ZFAT: variants seen among roughly 807,000 people sequenced by gnomAD.
ZFAT encodes zinc finger and AT-hook domain containing.
In ZFAT, 64 loss-of-function variants were observed where a neutral mutation model predicts 117.7. The ratio of observed to expected loss-of-function variants is 0.54; its 90% CI spans 0.44 to 0.67. ZFAT has a LOEUF of 0.67. Ranked by LOEUF, ZFAT falls within the 30% of genes least tolerant of loss-of-function variation. ZFAT has a pLI of 0.00. For synonymous variants in ZFAT, 679 were observed against 615.0 expected, an observed-to-expected ratio of 1.10 and a Z score of -1.54; for missense variants, 1,433 against 1,584.5, an observed-to-expected ratio of 0.90 and a Z score of 1.62.
At position 134,712,739 on chromosome 8, in the gene ZFAT, G is replaced by A. The variant is rs895176451; in HGVS notation, c.19+106C>T. 19 of 1,135,864 alleles carry A rather than the reference G, an allele frequency of 1.7e-5. No individual in the cohort carries two copies. The Middle Eastern group carries it at 9.4e-4, about 56-fold the overall frequency. The allele number at this position is 1,135,864 out of a possible 1,614,324, so 70.4% of individuals were successfully genotyped here. A position where few individuals can be genotyped will look rare whatever the true frequency, so the allele number is the denominator to read the frequency against. ...CCTCCGCGGCCGGCGGCCGGCGGCC[G>A]GCGGCCGGCGCACTGCTTCCCGACT... is the stretch of plus-strand genomic sequence containing the variant. On this transcript the variant is annotated intron_variant, in intron 1 of 15. Transcript: ENST00000377838.
the ZFAT span, among the ~76,000 whole-genome samples, chr8:134,734,798 A>G: frequency 6.6e-6 from 1 of 152,226 alleles, no homozygotes; most frequent in African/African-American, 2.4e-5. Context: ...CTGCTCCGAC[A>G]GAGACTTTTC....
chr8:134,530,800 C>A (rs1422353546), intron 12 of ZFAT, among the ~76,000 whole-genome samples: 1 of 140,244 alleles, frequency 7.1e-6, no homozygotes, highest in Non-Finnish European at 1.6e-5. Flanking sequence ...CAAATTAAAA[C>A]CAAAGTATAA....
the ZFAT span, among the ~76,000 whole-genome samples, chr8:134,810,915 G>A: frequency 6.6e-6 from 1 of 151,944 alleles, no homozygotes; most frequent in African/African-American, 2.4e-5. Flanking sequence ...AGTTATATTT[G>A]ACATGGTATT....
chr8:134,644,653 C>T (rs1431430877), intron 2 of ZFAT, among the ~76,000 whole-genome samples: 1 of 151,950 alleles, frequency 6.6e-6, no homozygotes, highest in African/African-American at 2.4e-5. Context: ...CACACACAAA[C>T]GTGCACTTAC....
the ZFAT span, among the ~76,000 whole-genome samples, chr8:134,801,431 T>C: frequency 1.3e-5 from 2 of 152,182 alleles, no homozygotes; most frequent in Non-Finnish European, 2.9e-5. Flanking sequence ...TAAAACTACA[T>C]ATAATAACCA....
intron 11 of ZFAT, among the ~76,000 whole-genome samples, chr8:134,537,724 T>C (rs1429593477): frequency 2.0e-5 from 3 of 152,116 alleles, no homozygotes; most frequent in Non-Finnish European, 4.4e-5. Flanking sequence ...GAACCAATTA[T>C]CCAGTTAACT....
At chr8:134,686,723 G>C (rs770837223) in intron 1 of ZFAT, among the ~76,000 whole-genome samples, 1 of 152,120 alleles carries the variant, frequency 6.6e-6, no homozygotes, top group African/African-American at 2.4e-5. Context: ...TCACGAAGAC[G>C]ATGTGCCTAG....
At chr8:134,610,744 A>G (rs1828272015) in intron 3 of ZFAT, 89 bp from the exon 4 acceptor site, 1 of 1,466,404 alleles carries the variant, frequency 6.8e-7, no homozygotes, top group Non-Finnish European at 9.3e-7. Context: ...CGGGACAGTA[A>G]AGGAAACACA....
In ZFAT at chr8:134,574,138, G is replaced by T. The variant is rs998700628; in HGVS notation, c.2888-8717C>A. Among the ~76,000 whole-genome samples the T allele has an allele frequency of 2.6e-5, 4 of 152,182 alleles. No individual in the cohort carries two copies. In the East Asian group the frequency reaches 7.7e-4, roughly 29 times the overall value. On this transcript the variant is annotated intron_variant, in intron 10 of 15. Coordinates refer to ENST00000377838, the MANE Select transcript of ZFAT (RefSeq NM_020863.4). Reference sequence around the variant, plus strand: ...CTCTCCACGTTGAAGGAAGGAGAGGGGGATGTCAATGTGGTAGGTGGGGGA... The same window carrying T: ...CTCTCCACGTTGAAGGAAGGAGAGGTGGATGTCAATGTGGTAGGTGGGGGA...
chr8:134,683,980 A>G (rs181970301), intron 1 of ZFAT, among the ~76,000 whole-genome samples: 5 of 152,248 alleles, frequency 3.3e-5, no homozygotes, highest in Non-Finnish European at 5.9e-5. Flanking sequence ...AACTAAGCAA[A>G]TCTGCAGGTT....
At chr8:134,734,634 A>G in the ZFAT span, among the ~76,000 whole-genome samples, 4 of 152,104 alleles carry the variant, frequency 2.6e-5, no homozygotes, top group Non-Finnish European at 5.9e-5. Flanking sequence ...CAGCTAAACT[A>G]CCACCCCCAG....
At chr8:134,492,028 TTTG>T (rs1241577030) in intron 15 of ZFAT, among the ~76,000 whole-genome samples, 7 of 141,350 alleles carry the variant, frequency 5.0e-5, no homozygotes, top group African/African-American at 1.5e-4. Flanking sequence ...GTTTTTGTTT[TTTG>T]TTTTTTTTTT....
Position 134,602,515 on chromosome 8 carries a change from G to T in ZFAT, c.1204C>A (p.Leu402Met). 6.2e-7 allele frequency: 1 copy of T among 1,613,930 alleles called. No homozygotes were observed. Reference protein sequence around the residue: ...CLMTREGKRQLLYDCHICERK... With the variant: ...CLMTREGKRQMLYDCHICERK... ...TCACAGATGTGGCAGTCATAGAGCA[G>T]CTGCCGCTTGCCCTCCCTCGTCATC... The change falls in exon 6 of 16, where the codon CTG becomes ATG. Residue 402 changes from leucine to methionine, a missense_variant. Transcript: ENST00000377838.
the ZFAT span, chr8:134,800,719 A>C: frequency 1.5e-5 from 5 of 333,460 alleles, no homozygotes; most frequent in Non-Finnish European, 2.4e-5. Flanking sequence ...CTCAATCGGA[A>C]AGATATCCTG....
chr8:134,558,957 A>G (rs1823855514), intron 11 of ZFAT, among the ~76,000 whole-genome samples: 1 of 152,214 alleles, frequency 6.6e-6, no homozygotes, highest in African/African-American at 2.4e-5. Context: ...TCACTCTCAG[A>G]GATTTTCAAA....
chr8:134,769,374 C>G, the ZFAT span, among the ~76,000 whole-genome samples: 1 of 152,210 alleles, frequency 6.6e-6, no homozygotes, highest in South Asian at 2.1e-4. Flanking sequence ...CCATGCAAGT[C>G]TGAAATCCAG....
chr8:134,482,467 C>T (rs1278201720), intron 15 of ZFAT, among the ~76,000 whole-genome samples: 1 of 152,228 alleles, frequency 6.6e-6, no homozygotes, highest in African/African-American at 2.4e-5. Context: ...CTGCGTCATC[C>T]AATCTGTGAC....
intron 1 of ZFAT, among the ~76,000 whole-genome samples, chr8:134,669,812 T>C (rs1481995536): frequency 6.6e-6 from 1 of 152,134 alleles, no homozygotes; most frequent in East Asian, 1.9e-4. Flanking sequence ...ACTGGCAAAC[T>C]GGATAAAGAG....
At chr8:134,565,247 A>G (rs1824352619) in intron 11 of ZFAT, 86 bp downstream of exon 11, 2 of 1,595,302 alleles carry the variant, frequency 1.3e-6, no homozygotes, top group East Asian at 2.2e-5. Flanking sequence ...CCAACAAACA[A>G]TGAAAGAATG....
Sources: gnomAD v4.1 joint callset for allele counts (sites outside exome capture counted in the v4.1 genomes callset) on GRCh38, gnomAD v4.1.1 for gene constraint, MANE v1.5 for transcripts, NCBI Gene and HGNC (gene_info 2026-07-23, HGNC 2026-07-21) for gene names.